Variants in KIF6 observed in about 807,000 individuals in gnomAD.
The protein encoded by KIF6 is kinesin family member 6.
Under a neutral mutation model 112.7 loss-of-function variants are expected in KIF6, and 106 were observed. That is an observed-to-expected ratio of 0.94 (90% CI 0.80 to 1.11). The LOEUF is 1.11. KIF6 is among the 50% of genes least tolerant of loss of function. The pLI, the probability that KIF6 is intolerant of heterozygous loss-of-function variation, is 0.00. For synonymous variants in KIF6, 339 were observed against 339.9 expected, an observed-to-expected ratio of 1.00 and a Z score of 0.03; for missense variants, 929 against 964.0, an observed-to-expected ratio of 0.96 and a Z score of 0.48.
At chr6:39,369,023 C>T (rs1765771977) in intron 16 of KIF6, among the ~76,000 whole-genome samples, 2 of 152,230 alleles carry the variant, frequency 1.3e-5, no homozygotes, top group African/African-American at 2.4e-5. Flanking sequence ...TCTGGGCCTC[C>T]TTGGGGCTCA....
chr6:39,437,431 C>A (rs1228567624), intron 13 of KIF6, among the ~76,000 whole-genome samples: 1 of 152,186 alleles, frequency 6.6e-6, no homozygotes, highest in East Asian at 1.9e-4. Flanking sequence ...AGCACTATAG[C>A]ATATTTGGCA....
chr6:39,361,328 G>A (rs975433287), intron 17 of KIF6, among the ~76,000 whole-genome samples: 8 of 152,042 alleles, frequency 5.3e-5, no homozygotes, highest in African/African-American at 1.9e-4. Flanking sequence ...GGAGGCTGAG[G>A]CGGGTGGATC....
intron 10 of KIF6, among the ~76,000 whole-genome samples, chr6:39,561,725 C>T (rs11966788): frequency 5.9e-4 from 90 of 152,268 alleles, no homozygotes; most frequent in African/African-American, 2.1e-3. Context: ...AAACATGATG[C>T]TTTGGAGGCT....
intron 3 of KIF6, among the ~76,000 whole-genome samples, chr6:39,694,644 G>C (rs945008171): frequency 1.3e-4 from 20 of 152,090 alleles, no homozygotes; most frequent in Non-Finnish European, 4.4e-5. Flanking sequence ...AGAATGACAA[G>C]ACACTGCTGA....
intron 13 of KIF6, among the ~76,000 whole-genome samples, chr6:39,477,767 A>G (rs914787926): frequency 2.0e-5 from 3 of 152,216 alleles, no homozygotes; most frequent in Admixed American, 2.0e-4. Context: ...AGGCTGAGGC[A>G]GGAGAATGGC....
At chr6:39,627,164 C>T (rs761403843) in intron 5 of KIF6, among the ~76,000 whole-genome samples, 33 of 152,160 alleles carry the variant, frequency 2.2e-4, no homozygotes, top group African/African-American at 7.2e-4. Context: ...TGTCACAGAA[C>T]AAGCCCTATG....
chr6:39,407,227 A>T (rs1769156357), intron 15 of KIF6, among the ~76,000 whole-genome samples: 1 of 152,030 alleles, frequency 6.6e-6, no homozygotes, highest in Non-Finnish European at 1.5e-5. Flanking sequence ...TTTCCTTTTT[A>T]CAAGATTGCA....
intron 18 of KIF6, among the ~76,000 whole-genome samples, chr6:39,360,098 G>A (rs1044329266): frequency 1.3e-5 from 2 of 152,152 alleles, no homozygotes; most frequent in African/African-American, 4.8e-5. Flanking sequence ...ATGTCAGTAG[G>A]AAATCAGTGG....
chr6:39,469,210 C>T (rs959085990), intron 13 of KIF6, among the ~76,000 whole-genome samples: 2 of 151,796 alleles, frequency 1.3e-5, no homozygotes, highest in Non-Finnish European at 2.9e-5. Context: ...GATTAAAATG[C>T]TACACTAGAA....
At chr6:39,574,867 T>C (rs1476390816) in intron 10 of KIF6, among the ~76,000 whole-genome samples, 2 of 152,206 alleles carry the variant, frequency 1.3e-5, no homozygotes, top group Non-Finnish European at 2.9e-5. Flanking sequence ...AAGAAATCCT[T>C]AGCCCTGATC....
intron 13 of KIF6, among the ~76,000 whole-genome samples, chr6:39,494,313 C>T (rs941191723): frequency 6.6e-6 from 1 of 152,184 alleles, no homozygotes; most frequent in Non-Finnish European, 1.5e-5. Flanking sequence ...GTTTTAGTCA[C>T]AAGGATGTTT....
In KIF6 at chr6:39,721,809, G is replaced by GTT. The variant is rs5875678; in HGVS notation, c.67-1000_67-999dup. Among the ~76,000 whole-genome samples the GTT allele has an allele frequency of 3.2e-3, 460 of 141,710 alleles. 2 individuals are homozygous for GTT. Among genetic ancestry groups the GTT allele is most frequent in the Middle Eastern group, 0.011 (3 of 270 alleles). The allele number at this position is 141,710 out of a possible 152,430, so 93.0% of individuals were successfully genotyped here. A position where few individuals can be genotyped will look rare whatever the true frequency, so the allele number is the denominator to read the frequency against. On this transcript the variant is annotated intron_variant, in intron 1 of 22. Coordinates refer to ENST00000287152, the MANE Select transcript of KIF6 (RefSeq NM_145027.6). ...AAAAAAAAAGTCATTAGATTTAAAGGTTTTTTTTTTTTTTTTAAAGGCTTC... is the reference window on the plus strand; with the variant it reads ...AAAAAAAAAGTCATTAGATTTAAAGGTTTTTTTTTTTTTTTTTTAAAGGCTTC...
intron 2 of KIF6, 114 bp downstream of exon 2, chr6:39,720,587 TG>T (rs1431203726): frequency 1.3e-5 from 8 of 631,730 alleles, no homozygotes; most frequent in Non-Finnish European, 1.7e-5. Flanking sequence ...GATGAAGAGC[TG>T]CGTTGCATTT....
intron 5 of KIF6, among the ~76,000 whole-genome samples, chr6:39,627,489 G>A: frequency 6.6e-6 from 1 of 152,170 alleles, no homozygotes; most frequent in East Asian, 1.9e-4. Context: ...ACAAATGTTT[G>A]CTGAGTATAT....
At chr6:39,478,793 T>A (rs998856105) in intron 13 of KIF6, among the ~76,000 whole-genome samples, 1 of 151,964 alleles carries the variant, frequency 6.6e-6, no homozygotes, top group Non-Finnish European at 1.5e-5. Flanking sequence ...ATTATGGCCA[T>A]TCTTACGGGA....
intron 7 of KIF6, among the ~76,000 whole-genome samples, chr6:39,588,073 T>C (rs1006112474): frequency 2.0e-5 from 3 of 152,210 alleles, no homozygotes; most frequent in Non-Finnish European, 4.4e-5. Flanking sequence ...CAAAAACTAG[T>C]TAATGAATGT....
chr6:39,559,903 T>C (rs1264486919), intron 10 of KIF6, among the ~76,000 whole-genome samples: 1 of 151,984 alleles, frequency 6.6e-6, no homozygotes, highest in Non-Finnish European at 1.5e-5. Flanking sequence ...CATCAAATTA[T>C]GAAAATAAAA....
chr6:39,692,724 A>G (rs1788288692), intron 3 of KIF6, among the ~76,000 whole-genome samples: 1 of 152,176 alleles, frequency 6.6e-6, no homozygotes, highest in African/African-American at 2.4e-5. Context: ...TACCATACCT[A>G]TACTTTGATA....
At chr6:39,703,566 C>T in intron 3 of KIF6, among the ~76,000 whole-genome samples, 1 of 151,988 alleles carries the variant, frequency 6.6e-6, no homozygotes, top group Non-Finnish European at 1.5e-5. Context: ...TAAATTTGTT[C>T]CTATTATTTA....
Sources: gnomAD v4.1 joint callset for allele counts (sites outside exome capture counted in the v4.1 genomes callset) on GRCh38, gnomAD v4.1.1 for gene constraint, MANE v1.5 for transcripts, NCBI Gene and HGNC (gene_info 2026-07-23, HGNC 2026-07-21) for gene names.